MDGA2: variants seen among roughly 807,000 people sequenced by gnomAD.
The protein encoded by MDGA2 is MAM domain-containing glycosylphosphatidylinositol anchor protein 2.
Under a neutral mutation model 117.8 loss-of-function variants are expected in MDGA2, and 40 were observed. That is an observed-to-expected ratio of 0.34 (90% CI 0.26 to 0.44). The LOEUF is 0.44. Among genes scored for constraint, MDGA2 ranks in the 20% least tolerant of loss-of-function variants. MDGA2 has a pLI of 1.00. For synonymous variants in MDGA2, 452 were observed against 439.0 expected, an observed-to-expected ratio of 1.03 and a Z score of -0.37; for missense variants, 1,123 against 1,250.6, an observed-to-expected ratio of 0.90 and a Z score of 1.54.
chr14:47,002,649 A>C (rs1594515756), intron 8 of MDGA2, among the ~76,000 whole-genome samples: 1 of 152,138 alleles, frequency 6.6e-6, no homozygotes, highest in East Asian at 1.9e-4. Context: ...GAATTGCTTG[A>C]ACCCAGGAGG....
chr14:47,070,552 A>C (rs187648679), intron 6 of MDGA2, among the ~76,000 whole-genome samples: 444 of 152,254 alleles, frequency 2.9e-3, no homozygotes, highest in African/African-American at 0.01. Context: ...CAGATGTTTT[A>C]ATCACATTGA....
intron 10 of MDGA2, among the ~76,000 whole-genome samples, chr14:46,893,270 C>T (rs971541198): frequency 2.6e-5 from 4 of 151,850 alleles, no homozygotes; most frequent in Admixed American, 6.6e-5. Flanking sequence ...CATGATATCA[C>T]TTATATGTGG....
chr14:46,877,589 A>G, intron 11 of MDGA2, 80 bp from the exon 12 acceptor site: 1 of 1,014,284 alleles, frequency 9.9e-7, no homozygotes, highest in South Asian at 1.6e-5. Flanking sequence ...ATAAAAGTCT[A>G]ATCAGTGTCT....
Position 46,863,748 on chromosome 14 carries a change from T to A in MDGA2, c.2753-8594A>T, listed in dbSNP as rs903312542. Among the ~76,000 whole-genome samples the A allele has an allele frequency of 3.3e-5, 5 of 152,236 alleles. No homozygotes were observed. In the South Asian group the frequency reaches 1.0e-3, roughly 32 times the overall value. On this transcript the variant is annotated intron_variant, in intron 14 of 16. Transcript: ENST00000399232. ...ACACTAGATTTTATTACATACATTG[T>A]CTAAGGGACCATCATCAATGAAGAA...
At chr14:46,964,006 G>C (rs554440692) in intron 8 of MDGA2, among the ~76,000 whole-genome samples, 1 of 152,254 alleles carries the variant, frequency 6.6e-6, no homozygotes, top group South Asian at 2.1e-4. Flanking sequence ...TTCACTATTA[G>C]AACACAGAGC....
chr14:47,019,837 T>C (rs1460147327), intron 8 of MDGA2, among the ~76,000 whole-genome samples: 3 of 116,062 alleles, frequency 2.6e-5, no homozygotes, highest in Non-Finnish European at 5.3e-5. Flanking sequence ...AGAGTCCGTC[T>C]CAAAAAAAAA....
chr14:47,089,270 T>C (rs764164236), intron 6 of MDGA2, among the ~76,000 whole-genome samples: 5 of 152,274 alleles, frequency 3.3e-5, no homozygotes, highest in Non-Finnish European at 5.9e-5. Context: ...GCTAAGAAAA[T>C]GGCCCTGGAA....
At chr14:47,389,614 A>ACC (rs33917670) in intron 1 of MDGA2, among the ~76,000 whole-genome samples, 24,922 of 147,394 alleles carry the variant, frequency 0.17, 2,354 homozygotes, top group East Asian at 0.43. Flanking sequence ...ACCCACACAC[A>ACC]CACACACACA....
intron 4 of MDGA2, among the ~76,000 whole-genome samples, chr14:47,143,456 T>C (rs1357632215): frequency 1.3e-5 from 2 of 152,172 alleles, no homozygotes; most frequent in African/African-American, 4.8e-5. Flanking sequence ...CCTCAGGACT[T>C]ATTAATTCCT....
chr14:47,200,374 A>T (rs1437236820), intron 3 of MDGA2, among the ~76,000 whole-genome samples: 1 of 152,066 alleles, frequency 6.6e-6, no homozygotes. Context: ...TTAAAAGAAT[A>T]TCATATTTCT....
At chr14:47,162,203 C>G (rs1162722553) in intron 3 of MDGA2, among the ~76,000 whole-genome samples, 1 of 152,024 alleles carries the variant, frequency 6.6e-6, no homozygotes, top group Non-Finnish European at 1.5e-5. Flanking sequence ...CCTCGGCCTC[C>G]CAAAGTGCCG....
At chr14:47,023,543 A>G (rs1888368898) in intron 8 of MDGA2, among the ~76,000 whole-genome samples, 1 of 152,178 alleles carries the variant, frequency 6.6e-6, no homozygotes, top group African/African-American at 2.4e-5. Context: ...AGAAATTATG[A>G]ATACATAGCA....
chr14:47,344,946 TA>T (rs541869850), intron 1 of MDGA2, among the ~76,000 whole-genome samples: 46 of 152,044 alleles, frequency 3.0e-4, no homozygotes, highest in African/African-American at 1.0e-3. Flanking sequence ...TAACAACTTC[TA>T]AAAAAACTTA....
intron 1 of MDGA2, among the ~76,000 whole-genome samples, chr14:47,507,763 T>C (rs1470871599): frequency 6.6e-6 from 1 of 152,194 alleles, no homozygotes; most frequent in Non-Finnish European, 1.5e-5. Flanking sequence ...GCCTAAACAA[T>C]TCATACAAAA....
intron 1 of MDGA2, among the ~76,000 whole-genome samples, chr14:47,644,615 G>A (rs1021584945): frequency 6.6e-6 from 1 of 151,936 alleles, no homozygotes; most frequent in Non-Finnish European, 1.5e-5. Flanking sequence ...AGTTAAGATA[G>A]GAGAAATAAA....
At chr14:47,144,331 T>C (rs979031474) in intron 3 of MDGA2, 57 bp from the exon 4 acceptor site, 4 of 1,370,486 alleles carry the variant, frequency 2.9e-6, no homozygotes, top group African/African-American at 2.9e-5. Context: ...ACTTTTAAAG[T>C]ATTGTGCTTA....
At chr14:47,023,002 T>C (rs1888340764) in intron 8 of MDGA2, among the ~76,000 whole-genome samples, 1 of 151,860 alleles carries the variant, frequency 6.6e-6, no homozygotes. Flanking sequence ...AGTTAATCTC[T>C]GGGTGAGAGA....
chr14:47,048,602 T>C (rs995147448), intron 7 of MDGA2, among the ~76,000 whole-genome samples: 1 of 152,064 alleles, frequency 6.6e-6, no homozygotes, highest in Non-Finnish European at 1.5e-5. Context: ...ATATGCCTTA[T>C]CCTGTAGAAA....
At chr14:47,075,113 T>A (rs56222535) in intron 6 of MDGA2, among the ~76,000 whole-genome samples, 1 of 152,284 alleles carries the variant, frequency 6.6e-6, no homozygotes, top group African/African-American at 2.4e-5. Context: ...TGACATCTTG[T>A]CCATGCTCTC....
Sources: allele counts gnomAD v4.1 joint callset (sites outside exome capture counted in the v4.1 genomes callset), GRCh38; gene constraint gnomAD v4.1.1; transcripts MANE v1.5; gene names NCBI Gene and HGNC (gene_info 2026-07-23, HGNC 2026-07-21).